HNRNPH1: variants seen among roughly 807,000 people sequenced by gnomAD.
The protein encoded by HNRNPH1 is heterogeneous nuclear ribonucleoprotein H.
HNRNPH1 carries 4 observed loss-of-function variants against 58.6 expected under a neutral mutation model. That is an observed-to-expected ratio of 0.07 (90% CI 0.03 to 0.16). The LOEUF is 0.16. Ranked by LOEUF, HNRNPH1 falls within the 10% of genes least tolerant of loss-of-function variation. HNRNPH1 has a pLI of 1.00. For synonymous variants in HNRNPH1, 192 were observed against 189.2 expected, an observed-to-expected ratio of 1.01 and a Z score of -0.12; for missense variants, 271 against 564.2, an observed-to-expected ratio of 0.48 and a Z score of 5.26.
intron 2 of HNRNPH1, among the ~76,000 whole-genome samples, chr5:179,632,307 C>CAA (rs368360110): frequency 1.5e-5 from 2 of 132,828 alleles, no homozygotes; most frequent in African/African-American, 2.7e-5. Context: ...GACTCCGTCT[C>CAA]AAAAAAAAAA....
intron 2 of HNRNPH1, among the ~76,000 whole-genome samples, chr5:179,629,904 A>C (rs1225425571): frequency 1.3e-5 from 2 of 152,034 alleles, no homozygotes; most frequent in African/African-American, 4.8e-5. Context: ...ACTTGCCTGT[A>C]ATCTCAGCTA....
chr5:179,623,126 A>G, exon 1 of HNRNPH1: 1 of 1,605,544 alleles, frequency 6.2e-7, no homozygotes, highest in Non-Finnish European at 8.5e-7. Context: ...TTCCGTGCCC[A>G]ACATCATCGT....
exon 1 of HNRNPH1, chr5:179,623,064 C>T (rs1337469570): frequency 1.2e-6 from 2 of 1,601,848 alleles, no homozygotes; most frequent in Non-Finnish European, 1.7e-6. Context: ...ACTTCATCGG[C>T]CGAGCAAGAC....
At chr5:179,622,042 G>C in intron 1 of HNRNPH1, 2 of 454,352 alleles carry the variant, frequency 4.4e-6, no homozygotes, top group South Asian at 3.1e-5. Flanking sequence ...CATCCAAATA[G>C]AATTTTAATC....
Position 179,616,224 on chromosome 5 carries a change from A to G in HNRNPH1, c.1208-6T>C. On this transcript the variant is annotated splice_polypyrimidine_tract_variant and splice_region_variant and intron_variant, in intron 10 of 12. Coordinates refer to ENST00000356731, the Ensembl canonical transcript of HNRNPH1. ...CCCGTAGCTGGACTGGTTTGCTGTTAAGTTAAGAAAACATTAGAACCTTTT... is the reference window on the plus strand; with the variant it reads ...CCCGTAGCTGGACTGGTTTGCTGTTGAGTTAAGAAAACATTAGAACCTTTT... 1 of 1,606,116 alleles carries G rather than the reference A, an allele frequency of 6.2e-7. No homozygotes were observed. The highest frequency in any genetic ancestry group is 8.5e-7 in the Non-Finnish European group (1 of 1,175,670).
At chr5:179,617,741 A>G (rs766063549) in intron 7 of HNRNPH1, 58 bp downstream of exon 8, 14 of 1,608,880 alleles carry the variant, frequency 8.7e-6, no homozygotes, top group Non-Finnish European at 1.2e-5. Context: ...CATTTATAGA[A>G]TAAGGCTGAC....
upstream of HNRNPH1, among the ~76,000 whole-genome samples, chr5:179,625,768 ATTTTTATTTT>A (rs546772226): frequency 6.6e-3 from 898 of 135,426 alleles, 8 homozygotes; most frequent in African/African-American, 0.024. Flanking sequence ...AGGTTTTTAA[ATTTTTATTTT>A]TTATTTGTTT....
At chr5:179,629,139 T>C (rs1433369236), upstream of HNRNPH1, 4 of 146,260 alleles carry the variant, frequency 2.7e-5, no homozygotes, top group South Asian at 2.2e-4. Flanking sequence ...CTACTAAAAA[T>C]ACAAAAAATT....
At chr5:179,632,530 C>G (rs1463361874) in intron 2 of HNRNPH1, among the ~76,000 whole-genome samples, 1 of 152,202 alleles carries the variant, frequency 6.6e-6, no homozygotes, top group African/African-American at 2.4e-5. Context: ...GATTCAGACA[C>G]CATGAGCGGC....
chr5:179,624,115 C>T (rs1435335444), exon 1 of HNRNPH1: 4 of 166,984 alleles, frequency 2.4e-5, no homozygotes, highest in Non-Finnish European at 2.6e-5. Context: ...TCCTGGCCGA[C>T]CTGAAAGGAG....
At chr5:179,631,536 G>A (rs576812787) in intron 2 of HNRNPH1, among the ~76,000 whole-genome samples, 4 of 151,568 alleles carry the variant, frequency 2.6e-5, no homozygotes, top group Admixed American at 1.3e-4. Flanking sequence ...ACCTGAGGTC[G>A]GGAGTTCAAG....
At chr5:179,618,401 C>A in intron 4 of HNRNPH1, 78 bp from the exon 6 acceptor site, 2 of 981,898 alleles carry the variant, frequency 2.0e-6, no homozygotes, top group Admixed American at 2.5e-5. Flanking sequence ...TTTAGTTATA[C>A]AAGAAAACAA....
intron 1 of HNRNPH1, chr5:179,621,998 A>C: frequency 2.2e-6 from 1 of 456,310 alleles, no homozygotes; most frequent in Non-Finnish European, 4.4e-6. Context: ...TAGTAAGTCA[A>C]TACTACAAAC....
chr5:179,614,847 T>TC, exon 13 of HNRNPH1: 9 of 1,386,830 alleles, frequency 6.5e-6, no homozygotes, highest in Non-Finnish European at 9.0e-6. Context: ...TCAATTACAT[T>TC]CCCCATCCAC....
chr5:179,615,614 G>A lies in HNRNPH1; in HGVS notation c.1301-19C>T, dbSNP rs1163526629. On this transcript the variant is annotated intron_variant, in intron 11 of 12. Coordinates refer to ENST00000356731, the Ensembl canonical transcript of HNRNPH1. ...ACTTGGTCTGCAAAAGGATTTTGTAGGGTAAGACTATAATACCAAAATCAC... is the reference window on the plus strand; with the variant it reads ...ACTTGGTCTGCAAAAGGATTTTGTAAGGTAAGACTATAATACCAAAATCAC... 3 of 1,444,002 alleles carry A rather than the reference G, an allele frequency of 2.1e-6. No individual in the cohort carries two copies. Among genetic ancestry groups the A allele is most frequent in the Admixed American group, 1.8e-5 (1 of 56,148 alleles). The allele number at this position is 1,444,002 out of a possible 1,614,324, so 89.4% of individuals were successfully genotyped here. A position where few individuals can be genotyped will look rare whatever the true frequency, so the allele number is the denominator to read the frequency against.
At position 179,623,173 on chromosome 5, in the gene HNRNPH1, C is replaced by T. The variant is rs529076871; in HGVS notation, c.-40G>A. ...TCCGGCGTCGAAACAAACTGCAAAGCGGGGAGGACCAGAACTGAGAGCGCC... is the reference window on the plus strand; with the variant it reads ...TCCGGCGTCGAAACAAACTGCAAAGTGGGGAGGACCAGAACTGAGAGCGCC... On this transcript the variant is annotated 5_prime_UTR_variant, in exon 1 of 13. Transcript: ENST00000356731. The T allele has an allele frequency of 4.4e-5, 65 of 1,465,540 alleles. 1 individual carries two copies. The East Asian group carries it at 1.3e-3, about 29-fold the overall frequency. 90.8% of individuals were successfully genotyped at this position (1,465,540 alleles called of 1,614,324 possible). A position where few individuals can be genotyped will look rare whatever the true frequency, so the allele number is the denominator to read the frequency against.
chr5:179,623,338 A>C (rs531856464), exon 1 of HNRNPH1: 9 of 407,286 alleles, frequency 2.2e-5, no homozygotes, highest in African/African-American at 1.0e-4. Context: ...TGTCCTGAGC[A>C]ACAGCTGTCG....
At chr5:179,624,972 AAGGCCACTT>A (rs1350729754), upstream of HNRNPH1, among the ~76,000 whole-genome samples, 1 of 152,224 alleles carries the variant, frequency 6.6e-6, no homozygotes, top group African/African-American at 2.4e-5. Flanking sequence ...CTGATCTTCA[AAGGCCACTT>A]AGGCCTTGGC....
chr5:179,615,779 G>C, intron 11 of HNRNPH1, 184 bp from the exon 13 acceptor site: 1 of 513,498 alleles, frequency 1.9e-6, no homozygotes. Flanking sequence ...CTAACCAAAA[G>C]ACAAAAAAGT....
Sources: allele counts gnomAD v4.1 joint callset (sites outside exome capture counted in the v4.1 genomes callset), GRCh38; gene constraint gnomAD v4.1.1; transcripts MANE v1.5; gene names NCBI Gene and HGNC (gene_info 2026-07-23, HGNC 2026-07-21).